Variants in NR6A1 observed in about 807,000 individuals in gnomAD.
NR6A1 encodes the protein nuclear receptor subfamily 6 group A member 1.
In NR6A1, 7 loss-of-function variants were observed where a neutral mutation model predicts 59.1. That is an observed-to-expected ratio of 0.12 (90% CI 0.07 to 0.22). NR6A1 has a LOEUF of 0.22. Among genes scored for constraint, NR6A1 ranks in the 10% least tolerant of loss-of-function variants. NR6A1 has a pLI of 1.00. For synonymous variants in NR6A1, 243 were observed against 236.1 expected (o/e 1.03, Z -0.27); for missense variants, 468 against 611.6 (o/e 0.77, Z 2.48).
rs921967581 is a variant in NR6A1, at chr9:124,519,264, G to A, written c.*3441C>T. 1 of 152,240 alleles carries A rather than the reference G, an allele frequency of 6.6e-6. No individual in the cohort carries two copies. The highest frequency in any genetic ancestry group is 1.5e-5 in the Non-Finnish European group (1 of 68,052). 9.4% of individuals were successfully genotyped at this position (152,240 alleles called of 1,614,324 possible). On this transcript the variant is annotated 3_prime_UTR_variant, in exon 10 of 10. Coordinates refer to ENST00000487099, the MANE Select transcript of NR6A1 (RefSeq NM_033334.4). ...CTCTGGTTCTGGGAAACAGGACAGG[G>A]AGGATCCTGCTTACTTCCTCCTATC... is the stretch of plus-strand genomic sequence containing the variant.
chr9:124,535,846 T>C, intron 7 of NR6A1, 32 bp downstream of exon 7: 1 of 1,611,252 alleles, frequency 6.2e-7, no homozygotes, highest in South Asian at 1.1e-5. Context: ...GTTTGGTTGT[T>C]TGGTATTTCC....
chr9:124,715,439 C>A (rs1303731571), intron 2 of NR6A1, among the ~76,000 whole-genome samples: 1 of 151,916 alleles, frequency 6.6e-6, no homozygotes, highest in African/African-American at 2.4e-5. Flanking sequence ...GGAGGCTAGG[C>A]CAAGAGAATC....
chr9:124,751,056 A>C (rs1403754550), intron 1 of NR6A1, among the ~76,000 whole-genome samples: 4 of 9,124 alleles, frequency 4.4e-4, no homozygotes, highest in Non-Finnish European at 6.6e-4. Context: ...GGGCCAAGTC[A>C]CTTAAGTTGT....
intron 2 of NR6A1, among the ~76,000 whole-genome samples, chr9:124,688,003 A>C (rs879422335): frequency 1.3e-5 from 2 of 152,220 alleles, no homozygotes; most frequent in Non-Finnish European, 2.9e-5. Context: ...AATAACTGAT[A>C]ATAAAATGGA....
chr9:124,648,741 A>G lies in NR6A1; in HGVS notation c.142+84567T>C, dbSNP rs113934953. 6.1e-3 allele frequency among the ~76,000 whole-genome samples: 924 copies of G among 152,270 alleles called. 10 individuals are homozygous for G. Among genetic ancestry groups the G allele is most frequent in the African/African-American group, 0.021 (879 of 41,560 alleles). On this transcript the variant is annotated intron_variant, in intron 2 of 9. Coordinates refer to ENST00000487099, the MANE Select transcript of NR6A1 (RefSeq NM_033334.4). ...AAAAGGCATTAGAACTCAGAAACAA[A>G]ATAAGTAATGCTGTAGGATACAAAA...
intron 2 of NR6A1, among the ~76,000 whole-genome samples, chr9:124,633,884 T>C (rs1836520491): frequency 1.3e-5 from 2 of 152,374 alleles, no homozygotes; most frequent in South Asian, 4.1e-4. Context: ...TTTTAAACAC[T>C]TCCAGAATTT....
chr9:124,619,667 G>A lies in NR6A1; in HGVS notation c.143-65097C>T, dbSNP rs141680017. Among the ~76,000 whole-genome samples, 196 of 152,292 alleles carry A rather than the reference G, an allele frequency of 1.3e-3. 1 individual carries two copies. The highest frequency in any genetic ancestry group is 4.5e-3 in the African/African-American group (187 of 41,562). ...AGTTTTGGCCTGCTGCTTACTAGAAGTGTGACTTTACACTTCATCCTCAAA... is the reference window on the plus strand; with the variant it reads ...AGTTTTGGCCTGCTGCTTACTAGAAATGTGACTTTACACTTCATCCTCAAA... On this transcript the variant is annotated intron_variant, in intron 2 of 9. Coordinates refer to ENST00000487099, the MANE Select transcript of NR6A1 (RefSeq NM_033334.4).
chr9:124,661,073 T>C (rs972635849), intron 2 of NR6A1, among the ~76,000 whole-genome samples: 5 of 152,158 alleles, frequency 3.3e-5, no homozygotes, highest in East Asian at 1.9e-4. Context: ...AGAATATATA[T>C]ACCAATTTAG....
intron 2 of NR6A1, among the ~76,000 whole-genome samples, chr9:124,670,236 C>T (rs866750401): frequency 6.9e-6 from 1 of 145,744 alleles, no homozygotes; most frequent in Non-Finnish European, 1.5e-5. Context: ...AAAAAAAAAT[C>T]AAAAAATTAG....
In NR6A1 at chr9:124,651,210, C is replaced by T. The variant is rs140428439; in HGVS notation, c.142+82098G>A. Among the ~76,000 whole-genome samples, 150 of 152,242 alleles carry T rather than the reference C, an allele frequency of 9.9e-4. 1 individual carries two copies. Among genetic ancestry groups the T allele is most frequent in the African/African-American group, 3.4e-3 (141 of 41,550 alleles). On this transcript the variant is annotated intron_variant, in intron 2 of 9. Transcript: ENST00000487099. ...TAGCTAGGACTACAAGTGTGTGCCACTATGCCTGGTTAATTTTTGTATTTT... is the reference window on the plus strand; with the variant it reads ...TAGCTAGGACTACAAGTGTGTGCCATTATGCCTGGTTAATTTTTGTATTTT...
chr9:124,720,916 A>C (rs1050568411), intron 2 of NR6A1, among the ~76,000 whole-genome samples: 3 of 152,228 alleles, frequency 2.0e-5, no homozygotes, highest in African/African-American at 7.2e-5. Flanking sequence ...GGAAGAGAAG[A>C]ATTCCCATGT....
intron 5 of NR6A1, among the ~76,000 whole-genome samples, chr9:124,539,041 CT>C (rs201053687): frequency 1.3e-5 from 2 of 151,112 alleles, no homozygotes; most frequent in African/African-American, 4.9e-5. Flanking sequence ...GACTCCATCT[CT>C]TTTTTTAAAA....
intron 2 of NR6A1, among the ~76,000 whole-genome samples, chr9:124,657,990 C>T (rs1837314248): frequency 2.0e-5 from 3 of 152,168 alleles, no homozygotes; most frequent in Non-Finnish European, 4.4e-5. Context: ...AAGGGTTGGT[C>T]TGGATATGAA....
At chr9:124,636,404 G>C (rs1836613488) in intron 2 of NR6A1, among the ~76,000 whole-genome samples, 1 of 152,086 alleles carries the variant, frequency 6.6e-6, no homozygotes, top group African/African-American at 2.4e-5. Flanking sequence ...CAGAAGAGAA[G>C]TTTTAATTTT....
intron 2 of NR6A1, among the ~76,000 whole-genome samples, chr9:124,642,763 A>T (rs1836803289): frequency 6.6e-6 from 1 of 152,172 alleles, no homozygotes; most frequent in Non-Finnish European, 1.5e-5. Context: ...TATAAAAGAC[A>T]ACGTGTAGAG....
chr9:124,661,096 T>C (rs1372954509), intron 2 of NR6A1, among the ~76,000 whole-genome samples: 1 of 152,156 alleles, frequency 6.6e-6, no homozygotes, highest in Non-Finnish European at 1.5e-5. Flanking sequence ...GCTAGCATTA[T>C]ACAGAAAACT....
intron 2 of NR6A1, among the ~76,000 whole-genome samples, chr9:124,578,985 G>C (rs913592528): frequency 1.3e-5 from 2 of 152,192 alleles, no homozygotes; most frequent in Non-Finnish European, 2.9e-5. Flanking sequence ...AGGTGCTATA[G>C]AATTGTGAGA....
chr9:124,564,113 C>A (rs1379699727), intron 2 of NR6A1, among the ~76,000 whole-genome samples: 1 of 152,072 alleles, frequency 6.6e-6, no homozygotes, highest in African/African-American at 2.4e-5. Flanking sequence ...AAGAAAAATT[C>A]ATCTTAAATA....
chr9:124,616,888 T>G (rs761612743), intron 2 of NR6A1, among the ~76,000 whole-genome samples: 1 of 152,212 alleles, frequency 6.6e-6, no homozygotes, highest in Non-Finnish European at 1.5e-5. Context: ...ACAATGCTGG[T>G]GGTTGATGTA....
Sources: allele counts gnomAD v4.1 joint callset (sites outside exome capture counted in the v4.1 genomes callset), GRCh38; gene constraint gnomAD v4.1.1; transcripts MANE v1.5; gene names NCBI Gene and HGNC (gene_info 2026-07-23, HGNC 2026-07-21).